The following AMELX variants were observed in gnomAD, a reference collection of about 807,000 sequenced individuals.
AMELX encodes amelogenin, X isoform.
A neutral mutation model predicts 15.8 loss-of-function variants in AMELX; 9 were observed. That is an observed-to-expected ratio of 0.57 (90% CI 0.34 to 0.99). The LOEUF is 0.99. Among genes scored for constraint, AMELX ranks in the 50% least tolerant of loss-of-function variants. AMELX has a pLI of 0.02. For missense variants in AMELX, 107 were observed against 156.2 expected (o/e 0.68, Z 1.68); for synonymous variants, 61 against 58.8 (o/e 1.04, Z -0.17).
At chrX:11,299,182 T>C (rs985334863) in intron 5 of AMELX, among the ~76,000 whole-genome samples, 6 of 111,964 alleles carry the variant, frequency 5.4e-5, no homozygotes, top group Non-Finnish European at 1.1e-4. Flanking sequence ...ACAGTTTTTA[T>C]GGTAGGTTTC....
At chrX:11,304,386 G>T (rs746134083), downstream of AMELX, among the ~76,000 whole-genome samples, 1 of 111,213 alleles carries the variant, frequency 9.0e-6, no homozygotes. Flanking sequence ...CACCATGCCC[G>T]GCCCATGTCT....
chrX:11,297,936 T>C (rs944996639), intron 3 of AMELX, among the ~76,000 whole-genome samples: 1 of 112,586 alleles, frequency 8.9e-6, no homozygotes, highest in Admixed American at 9.4e-5. Context: ...CTCAGTCAAG[T>C]TAATGAATCT....
chrX:11,305,949 C>G, the AMELX span, among the ~76,000 whole-genome samples: 1 of 111,872 alleles, frequency 8.9e-6, no homozygotes, highest in African/African-American at 3.3e-5. Flanking sequence ...ATCTGACAGA[C>G]CCAGGCCATC....
chrX:11,308,163 T>A, the AMELX span, among the ~76,000 whole-genome samples: 1 of 112,479 alleles, frequency 8.9e-6, no homozygotes, highest in South Asian at 3.7e-4. Flanking sequence ...TTTCACTTTC[T>A]TGGTGTTAAC....
the AMELX span, among the ~76,000 whole-genome samples, chrX:11,308,105 T>C: frequency 8.9e-6 from 1 of 112,392 alleles, no homozygotes; most frequent in Non-Finnish European, 1.9e-5. Flanking sequence ...TGTGGCCTGA[T>C]CATATTGTTT....
chrX:11,301,505 C>A (rs947925891), downstream of AMELX, among the ~76,000 whole-genome samples: 1 of 111,934 alleles, frequency 8.9e-6, no homozygotes, highest in Non-Finnish European at 1.9e-5. Flanking sequence ...ATTACACAAA[C>A]CCATGGTAAC....
rs1452760248 is a variant in AMELX at position 11,300,694 on chromosome X, CACTTT to C, written c.*87_*91del. 2.1e-6 allele frequency: 2 copies of C among 947,357 alleles called. No homozygotes were observed. Among genetic ancestry groups the C allele is most frequent in the Non-Finnish European group, 3.0e-6 (2 of 670,509 alleles). 78.1% of individuals were successfully genotyped at this position (947,357 alleles called of 1,213,427 possible). A position where few individuals can be genotyped will look rare whatever the true frequency, so the allele number is the denominator to read the frequency against. On this transcript the variant is annotated 3_prime_UTR_variant, in exon 6 of 6. Coordinates refer to ENST00000380714, the MANE Select transcript of AMELX (RefSeq NM_001142.2). Reference sequence around the variant, plus strand: ...GAACACAATGATTTTTGCTTATAATCACTTTACTTAGCAAATTCTGTAACTAAAAA... The same window carrying C: ...GAACACAATGATTTTTGCTTATAATCACTTAGCAAATTCTGTAACTAAAAA...
At chrX:11,307,943 CTG>C in the AMELX span, among the ~76,000 whole-genome samples, 3 of 112,555 alleles carry the variant, frequency 2.7e-5, no homozygotes, top group Non-Finnish European at 3.7e-5. Context: ...ACTTAACAAA[CTG>C]TAAATAATCA....
Position 11,300,485 on chromosome X carries a change from G to T in AMELX, c.571-122G>T, listed in dbSNP as rs1051120402. ...TAACAAAGAAACTTCAGAAATTATA[G>T]AGTTCAACTTAAATGGTTGTACATT... On this transcript the variant is annotated intron_variant, in intron 5 of 5. Transcript: ENST00000380714. 5 of 553,842 alleles carry T rather than the reference G, an allele frequency of 9.0e-6. No individual in the cohort carries two copies. In the African/African-American group the frequency reaches 9.2e-5, roughly 10 times the overall value. 45.6% of individuals were successfully genotyped at this position (553,842 alleles called of 1,213,427 possible).
the AMELX span, among the ~76,000 whole-genome samples, chrX:11,307,039 G>A: frequency 9.0e-6 from 1 of 111,253 alleles, no homozygotes; most frequent in Admixed American, 9.6e-5. Context: ...TGGTCCTCAT[G>A]CCTTCTCTGG....
At position 11,300,209 on chromosome X, in the gene AMELX, G is replaced by A. The variant is rs754750624; in HGVS notation, c.571-398G>A. On this transcript the variant is annotated intron_variant, in intron 5 of 5. Coordinates refer to ENST00000380714, the MANE Select transcript of AMELX (RefSeq NM_001142.2). ...TCTTGACAAAGCTATTTATGGAAAG[G>A]TGACTTTGGGCAGATAGTTTGAACT... 4.5e-5 allele frequency among the ~76,000 whole-genome samples: 5 copies of A among 111,710 alleles called. No individual in the cohort carries two copies. The East Asian group carries it at 1.4e-3, about 31-fold the overall frequency.
chrX:11,299,034 C>T, intron 5 of AMELX, 61 bp downstream of exon 5: 3 of 1,143,028 alleles, frequency 2.6e-6, no homozygotes, highest in Non-Finnish European at 3.6e-6. Flanking sequence ...GCAAAATAGG[C>T]CCCAGAGTTC....
intron 2 of AMELX, among the ~76,000 whole-genome samples, chrX:11,295,628 C>T (rs1014653222): frequency 3.6e-5 from 4 of 110,882 alleles, no homozygotes; most frequent in Admixed American, 9.6e-5. Context: ...TCCTCTCTTC[C>T]TCTCTCACCC....
At chrX:11,299,188 G>A (rs900417523) in intron 5 of AMELX, among the ~76,000 whole-genome samples, 2 of 111,467 alleles carry the variant, frequency 1.8e-5, no homozygotes, top group African/African-American at 6.5e-5. Flanking sequence ...TTTATGGTAG[G>A]TTTCAATTTT....
chrX:11,296,843 C>T lies in AMELX; in HGVS notation c.102+17C>T, dbSNP rs755035318. ...AGCTATGAGGTAATTTTTCTCTTTA[C>T]TAATTTTGACCATTGTTTGCGTTAA... is the stretch of plus-strand genomic sequence containing the variant. On this transcript the variant is annotated intron_variant, in intron 3 of 5. Transcript: ENST00000380714. 5 of 1,205,878 alleles carry T rather than the reference C, an allele frequency of 4.1e-6. No homozygotes were observed. The East Asian group carries it at 1.2e-4, about 29-fold the overall frequency.
chrX:11,293,854 A>C (rs1438194215), intron 1 of AMELX, among the ~76,000 whole-genome samples: 2 of 112,478 alleles, frequency 1.8e-5, no homozygotes, highest in Non-Finnish European at 3.8e-5. Flanking sequence ...AAACAAACAA[A>C]CAAAAAACAA....
chrX:11,303,753 G>A (rs982665577), downstream of AMELX, among the ~76,000 whole-genome samples: 1 of 111,603 alleles, frequency 9.0e-6, no homozygotes, highest in Non-Finnish European at 1.9e-5. Context: ...TTTCCAGTGT[G>A]ATGGTAGGGG....
intron 5 of AMELX, 136 bp downstream of exon 5, chrX:11,299,109 A>G (rs2147575102): frequency 1.2e-6 from 1 of 822,833 alleles, no homozygotes; most frequent in Non-Finnish European, 1.8e-6. Context: ...CTATTAGTCC[A>G]AGCAATATGC....
the AMELX span, among the ~76,000 whole-genome samples, chrX:11,307,493 T>G: frequency 2.7e-5 from 3 of 111,987 alleles, no homozygotes; most frequent in Non-Finnish European, 3.8e-5. Flanking sequence ...GGGAAGGAAA[T>G]GTTTGCAAAT....
Sources: gnomAD v4.1 joint callset for allele counts (sites outside exome capture counted in the v4.1 genomes callset) on GRCh38, gnomAD v4.1.1 for gene constraint, MANE v1.5 for transcripts, NCBI Gene and HGNC (gene_info 2026-07-23, HGNC 2026-07-21) for gene names.